The following NDST2 variants were observed in gnomAD, a reference collection of about 807,000 sequenced individuals.
NDST2 encodes N-deacetylase and N-sulfotransferase 2.
In NDST2, 32 loss-of-function variants were observed where a neutral mutation model predicts 86.9. The observed-to-expected ratio is 0.37, with a 90% confidence interval of 0.28 to 0.49. NDST2 has a LOEUF of 0.49. Ranked by LOEUF, NDST2 falls within the 20% of genes least tolerant of loss-of-function variation. The pLI is 0.97. For missense variants in NDST2, 950 were observed against 1,146.9 expected (o/e 0.83, Z 2.48); for synonymous variants, 409 against 437.0 (o/e 0.94, Z 0.80).
chr10:73,810,230 G>A (rs1399638973), intron 2 of NDST2, among the ~76,000 whole-genome samples: 4 of 152,112 alleles, frequency 2.6e-5, no homozygotes, highest in African/African-American at 7.2e-5. Context: ...AGGCCGAAGC[G>A]GGTGATCACT....
intron 9 of NDST2, 196 bp from the exon 10 acceptor site, chr10:73,804,212 C>T (rs2084059635): frequency 3.5e-6 from 2 of 568,862 alleles, no homozygotes; most frequent in Admixed American, 3.2e-5. Context: ...TTTAACTGTG[C>T]ACCAGAATGA....
chr10:73,809,770 T>A (rs562536471), intron 2 of NDST2, among the ~76,000 whole-genome samples: 2 of 152,342 alleles, frequency 1.3e-5, no homozygotes, highest in Admixed American at 1.3e-4. Context: ...TCTTGCTCTG[T>A]CACCCAGGAT....
chr10:73,808,528 G>T lies in NDST2; in HGVS notation c.-140C>A, dbSNP rs1039492131. 15 of 859,166 alleles carry T rather than the reference G, an allele frequency of 1.7e-5. No homozygotes were observed. Among genetic ancestry groups the T allele is most frequent in the African/African-American group, 3.5e-5 (2 of 57,618 alleles). 53.2% of individuals were successfully genotyped at this position (859,166 alleles called of 1,614,324 possible). A position where few individuals can be genotyped will look rare whatever the true frequency, so the allele number is the denominator to read the frequency against. On this transcript the variant is annotated 5_prime_UTR_variant, in exon 3 of 15. It introduces an in-frame stop codon into an upstream open reading frame of the 5' UTR. Transcript: ENST00000309979. This position sits in a 1 kb window ranked among gnomAD's most constrained non-coding sequence, Gnocchi z 4.3. The stretch of plus-strand genomic sequence containing the variant: ...GATTCCCTTGGGGAGTTTCCTTTAC[G>T]AGGTGGAGACGAGTCCCCTTAGCAT...
intron 13 of NDST2, 34 bp from the exon 14 acceptor site, chr10:73,802,810 G>A: frequency 6.3e-7 from 1 of 1,599,078 alleles, no homozygotes; most frequent in Non-Finnish European, 8.6e-7. Flanking sequence ...AGGTGGCAGG[G>A]AAAAGAGAAA....
Position 73,802,099 on chromosome 10 carries a change from T to C in NDST2, c.*352A>G. On this transcript the variant is annotated 3_prime_UTR_variant, in exon 15 of 15. Transcript: ENST00000309979. ...CAAGGGGTCCCTCCCATGCAAGGGG[T>C]CTCTCCCATAGCCAGGTATAGAATA... The C allele has an allele frequency of 2.6e-6, 1 of 381,890 alleles. No homozygotes were observed. Among genetic ancestry groups the C allele is most frequent in the East Asian group, 6.2e-5 (1 of 16,198 alleles). 23.7% of individuals were successfully genotyped at this position (381,890 alleles called of 1,614,324 possible).
rs768160234 is a variant in NDST2, at chr10:73,803,610, G to A, written c.2106C>T (p.Leu702=). The change falls in exon 11 of 15, where the codon CTC becomes CTT. Residue 702 remains leucine (L), a synonymous_variant. Transcript: ENST00000309979. ...AGTAGGCCCTGTCAGCAGGGTTGGT[G>A]AGCACTGTGATGATCTTGGCTCGTG... ...LLPRAKIITV[L]TNPADRAYSW... is the part of the protein sequence containing the mutation. 1.2e-6 allele frequency: 2 copies of A among 1,613,152 alleles called. No homozygotes were observed. Among genetic ancestry groups the A allele is most frequent in the African/African-American group, 2.7e-5 (2 of 74,606 alleles).
rs772796944 is a variant in NDST2 at position 73,803,700 on chromosome 10, T to G, written c.2016A>C (p.Leu672=). 3 of 1,613,990 alleles carry G rather than the reference T, an allele frequency of 1.9e-6. No homozygotes were observed. In the East Asian group the frequency reaches 6.7e-5, roughly 36 times the overall value. The part of the protein sequence containing the change: ...PVPSNASTDF[L]FEKSATYFDS... ...CAAAGTAGGTGGCACTTTTTTCAAA[T>G]AGGAAATCAGTGCTGGCATTGGAAG... The change falls in exon 11 of 15, where the codon CTA becomes CTC. Residue 672 remains leucine, a synonymous_variant. Transcript: ENST00000309979.
chr10:73,802,813 AAG>A (rs776113005), intron 13 of NDST2, 37 bp from the exon 14 acceptor site: 20 of 1,596,732 alleles, frequency 1.3e-5, no homozygotes, highest in Non-Finnish European at 1.7e-5. Context: ...TGGCAGGGAA[AAG>A]AGAAACTCAA....
intron 13 of NDST2, 55 bp from the exon 14 acceptor site, chr10:73,802,831 A>G (rs904942028): frequency 2.1e-5 from 32 of 1,559,034 alleles, no homozygotes; most frequent in Admixed American, 1.2e-4. Flanking sequence ...CTCAAGTTCC[A>G]TAAATGCACA....
chr10:73,802,613 T>C, intron 14 of NDST2, 37 bp from the exon 15 acceptor site: 4 of 1,614,094 alleles, frequency 2.5e-6, no homozygotes, highest in Non-Finnish European at 3.4e-6. Flanking sequence ...TGGTAAGAAG[T>C]GGGACACAGA....
chr10:73,810,939 G>C, intron 1 of NDST2, 36 bp from the exon 2 acceptor site: 2 of 398,902 alleles, frequency 5.0e-6, no homozygotes, highest in Non-Finnish European at 8.8e-6. Context: ...AAGGGGCGCC[G>C]GGAGCGCCGC....
chr10:73,810,375 T>A (rs59927511), intron 2 of NDST2, among the ~76,000 whole-genome samples: 2 of 151,926 alleles, frequency 1.3e-5, no homozygotes, highest in Admixed American at 6.6e-5. Context: ...GGAGAATCAC[T>A]TGAACGTGGG....
Position 73,804,248 on chromosome 10 carries a change from G to A in NDST2, c.1844-232C>T, listed in dbSNP as rs11000782. Reference sequence around the variant, plus strand: ...CTTGTGATCTTGTAAAAACACCACAGATGATTCTGATATACAACCAGGGTT... The same window carrying A: ...CTTGTGATCTTGTAAAAACACCACAAATGATTCTGATATACAACCAGGGTT... On this transcript the variant is annotated intron_variant, in intron 9 of 14. Transcript: ENST00000309979. 6.3e-3 allele frequency among the ~76,000 whole-genome samples: 953 copies of A among 152,272 alleles called. 17 individuals are homozygous for A. Among genetic ancestry groups the A allele is most frequent in the African/African-American group, 0.021 (868 of 41,548 alleles).
chr10:73,802,649 T>C (rs2084010737), intron 14 of NDST2, 25 bp downstream of exon 14: 1 of 1,613,848 alleles, frequency 6.2e-7, no homozygotes, highest in Non-Finnish European at 8.5e-7. Context: ...TGGAGAGGGA[T>C]TCCCCTGCCC....
chr10:73,802,859 C>G (rs778257976), intron 13 of NDST2, 83 bp from the exon 14 acceptor site: 1 of 1,517,606 alleles, frequency 6.6e-7, no homozygotes, highest in Non-Finnish European at 9.2e-7. Flanking sequence ...TCCCTGCCCA[C>G]AGGGACATGT....
rs745752863 is a variant in NDST2 at position 73,803,321 on chromosome 10, A to G, written c.2181T>C (p.Tyr727=). The G allele has an allele frequency of 6.2e-7, 1 of 1,614,212 alleles. No homozygotes were observed. The highest frequency in any genetic ancestry group is 1.1e-5 in the South Asian group (1 of 91,090). ...RAHGDPVALN[Y]TFYQVISASS... ...AGGCTGAAATCACCTGATAGAAGGT[A>G]TAGTTCAGAGCAACTGGGTCTCCAT... The change falls in exon 12 of 15, where the codon TAT becomes TAC. Residue 727 remains tyrosine, a synonymous_variant. Transcript: ENST00000309979.
At chr10:73,804,298 G>A (rs1370772295) in intron 9 of NDST2, among the ~76,000 whole-genome samples, 1 of 152,104 alleles carries the variant, frequency 6.6e-6, no homozygotes, top group Non-Finnish European at 1.5e-5. Context: ...CAAGAGACTG[G>A]ATCAATGAGG....
At chr10:73,802,857 C>T (rs1056131730) in intron 13 of NDST2, 81 bp from the exon 14 acceptor site, 29 of 1,493,072 alleles carry the variant, frequency 1.9e-5, no homozygotes, top group Admixed American at 5.0e-5. Context: ...CTTCCCTGCC[C>T]ACAGGGACAT....
In NDST2 at chr10:73,808,063, C is replaced by T. The variant is rs1394229351; in HGVS notation, c.326G>A (p.Ser109Asn). The change falls in exon 3 of 15, where the codon AGT becomes AAT. Residue 109 changes from serine to asparagine, a missense_variant. By Grantham distance (46) the Ser-to-Asn change is conservative. Around this residue, in one of 5 missense-constraint regions of NDST2, gnomAD observed 586 missense variants for 714.0 expected, o/e 0.82. Transcript: ENST00000309979. This position sits in a 1 kb window ranked among gnomAD's most constrained non-coding sequence, Gnocchi z 4.3. ...GQEIVAILES[S>N]RFRYSTELAP... is the part of the protein sequence containing the mutation. Reference sequence around the variant, plus strand: ...CAACTCAGTGCTATAACGAAAACGACTAGACTCCAGGATGGCCACAATTTC... The same window carrying T: ...CAACTCAGTGCTATAACGAAAACGATTAGACTCCAGGATGGCCACAATTTC... 6.2e-7 allele frequency: 1 copy of T among 1,614,248 alleles called. No individual in the cohort carries two copies.
Sources: allele counts gnomAD v4.1 joint callset (sites outside exome capture counted in the v4.1 genomes callset), GRCh38; gene constraint gnomAD v4.1.1; regional missense constraint gnomAD v4.1.1; non-coding constraint Gnocchi (gnomAD v3.1); transcripts MANE v1.5; gene names NCBI Gene and HGNC (gene_info 2026-07-23, HGNC 2026-07-21).